FBLN2: variants seen among roughly 807,000 people sequenced by gnomAD.
FBLN2 encodes the protein fibulin 2, also known as fibulin-2.
FBLN2 carries 81 observed loss-of-function variants against 123.7 expected under a neutral mutation model. The observed-to-expected ratio is 0.65, with a 90% confidence interval of 0.55 to 0.79. The LOEUF (loss-of-function observed/expected upper bound fraction) is 0.79. FBLN2 is among the 30% of genes least tolerant of loss of function. The pLI is 0.00. For synonymous variants in FBLN2, 699 were observed against 701.4 expected, an observed-to-expected ratio of 1.00 and a Z score of 0.05; for missense variants, 1,603 against 1,681.3, an observed-to-expected ratio of 0.95 and a Z score of 0.81.
intron 2 of FBLN2, among the ~76,000 whole-genome samples, chr3:13,592,922 C>T (rs1232464203): frequency 6.6e-6 from 1 of 152,132 alleles, no homozygotes; most frequent in Admixed American, 6.5e-5. Flanking sequence ...GGGAGCTCAG[C>T]TGGGAGATAG....
chr3:13,568,252 C>T (rs1703808453), intron 1 of FBLN2, among the ~76,000 whole-genome samples: 1 of 152,212 alleles, frequency 6.6e-6, no homozygotes, highest in Non-Finnish European at 1.5e-5. Context: ...CGCAGCCTTC[C>T]CTGCCTCGGT....
intron 2 of FBLN2, among the ~76,000 whole-genome samples, chr3:13,573,480 C>T (rs886229519): frequency 6.6e-5 from 10 of 152,164 alleles, no homozygotes; most frequent in Non-Finnish European, 1.5e-4. Context: ...ACCTCTGTGA[C>T]TGCTGGGGTC....
At chr3:13,574,654 G>T (rs1363952120) in intron 2 of FBLN2, among the ~76,000 whole-genome samples, 1 of 152,040 alleles carries the variant, frequency 6.6e-6, no homozygotes, top group Admixed American at 6.5e-5. Context: ...ATGGCAACGC[G>T]GCTGGAGGGG....
At chr3:13,629,435 C>T (rs780873149) in intron 13 of FBLN2, 143 bp downstream of exon 13, 2 of 1,160,350 alleles carry the variant, frequency 1.7e-6, no homozygotes, top group Non-Finnish European at 1.2e-6. Flanking sequence ...TTCCAGCTGG[C>T]CTCATCCTCC....
intron 1 of FBLN2, 24 bp from the exon 2 acceptor site, chr3:13,570,291 A>G: frequency 6.9e-7 from 1 of 1,457,334 alleles, no homozygotes; most frequent in Non-Finnish European, 9.1e-7. Context: ...CAGTACTGAC[A>G]GGCTTCCTTT....
rs1703949880 is a variant in FBLN2 at position 13,571,447 on chromosome 3, G to A, written c.1092G>A (p.Lys364=). Residue 364 remains lysine, a synonymous_variant, in exon 2 of 18, where the codon AAG becomes AAA. Coordinates refer to ENST00000404922, the MANE Select transcript of FBLN2 (RefSeq NM_001004019.2). Reference sequence around the variant, plus strand: ...TGACGCATGCACCGAGCCTGGGCAAGGCTGCTCTCGTCCCAACTCAGGCCG... The same window carrying A: ...TGACGCATGCACCGAGCCTGGGCAAAGCTGCTCTCGTCCCAACTCAGGCCG... The part of the protein sequence containing the change: ...EGVTHAPSLG[K]AALVPTQAVP... The A allele has an allele frequency of 6.2e-7, 1 of 1,612,822 alleles. No homozygotes were observed. Among genetic ancestry groups the A allele is most frequent in the Non-Finnish European group, 8.5e-7 (1 of 1,179,668 alleles).
intron 1 of FBLN2, among the ~76,000 whole-genome samples, chr3:13,567,035 T>C (rs1039318405): frequency 3.9e-5 from 6 of 152,208 alleles, no homozygotes; most frequent in South Asian, 2.1e-4. Flanking sequence ...TTCTTTATCA[T>C]TGCCCTGGGC....
chr3:13,566,841 A>T (rs1327785310), intron 1 of FBLN2, among the ~76,000 whole-genome samples: 1 of 151,602 alleles, frequency 6.6e-6, no homozygotes, highest in African/African-American at 2.4e-5. Flanking sequence ...TGAGAAACCC[A>T]CTGTGTGAGC....
chr3:13,621,391 G>A (rs907842761), intron 8 of FBLN2, among the ~76,000 whole-genome samples: 5 of 152,132 alleles, frequency 3.3e-5, no homozygotes, highest in African/African-American at 1.2e-4. Context: ...GCCCCTGTGG[G>A]CCCTTCCCTG....
chr3:13,575,569 T>TA (rs1297399879), intron 2 of FBLN2, among the ~76,000 whole-genome samples: 1 of 151,992 alleles, frequency 6.6e-6, no homozygotes, highest in Non-Finnish European at 1.5e-5. Context: ...AGCCCACACC[T>TA]AAAAAATCTA....
chr3:13,621,084 C>G (rs1450423), intron 8 of FBLN2, among the ~76,000 whole-genome samples: 118,553 of 152,200 alleles, frequency 0.78, 46,775 homozygotes, highest in East Asian at 0.98. Context: ...GCCTGTGCTG[C>G]TCATGCAGCC....
intron 2 of FBLN2, among the ~76,000 whole-genome samples, chr3:13,601,348 C>T (rs1574973503): frequency 6.6e-6 from 1 of 152,208 alleles, no homozygotes; most frequent in East Asian, 1.9e-4. Flanking sequence ...GCAGAGTTGC[C>T]TCCTGTCACC....
chr3:13,616,610 C>T (rs1383249027), intron 5 of FBLN2, among the ~76,000 whole-genome samples: 3 of 152,206 alleles, frequency 2.0e-5, no homozygotes, highest in African/African-American at 7.2e-5. Context: ...TCATACGTGA[C>T]TTCATGCAGC....
At chr3:13,630,277 C>T (rs556783218) in intron 14 of FBLN2, among the ~76,000 whole-genome samples, 16 of 152,330 alleles carry the variant, frequency 1.1e-4, no homozygotes, top group African/African-American at 2.9e-4. Flanking sequence ...CTGTGCGGGA[C>T]GCGCCTGTGG....
At chr3:13,573,194 C>T (rs1043136313) in intron 2 of FBLN2, among the ~76,000 whole-genome samples, 8 of 151,972 alleles carry the variant, frequency 5.3e-5, no homozygotes, top group Admixed American at 1.3e-4. Flanking sequence ...TCCCTCCGGC[C>T]GGCCCCTCCC....
chr3:13,632,858 G>A (rs1219678598), intron 16 of FBLN2, among the ~76,000 whole-genome samples: 3 of 152,064 alleles, frequency 2.0e-5, no homozygotes, highest in Admixed American at 6.5e-5. Flanking sequence ...AAAAAAAGTC[G>A]GTATGGACTC....
chr3:13,566,123 C>T (rs1400882215), intron 1 of FBLN2, among the ~76,000 whole-genome samples: 1 of 151,142 alleles, frequency 6.6e-6, no homozygotes. Flanking sequence ...CAGGCTCTGA[C>T]TGCTGGGACT....
In FBLN2 at chr3:13,609,635, T is replaced by C. The variant is rs769122105; in HGVS notation, c.1541T>C (p.Leu514Pro). ...AEDNDSCGIS[L>P]YKQCCDCCGL... ...GACAACGACAGCTGCGGCATCTCCC[T>C]GTACAAGGCAAGCCTGACCTGTGGC... The change falls in exon 4 of 18, where the codon CTG (leucine) becomes CCG (proline). Residue 514 changes from leucine (L) to proline (P), a missense_variant. Transcript: ENST00000404922. 2.8e-6 allele frequency: 4 copies of C among 1,446,464 alleles called. No individual in the cohort carries two copies. Among genetic ancestry groups the C allele is most frequent in the South Asian group, 1.2e-5 (1 of 83,552 alleles). 89.6% of individuals were successfully genotyped at this position (1,446,464 alleles called of 1,614,324 possible). A position where few individuals can be genotyped will look rare whatever the true frequency, so the allele number is the denominator to read the frequency against.
rs202068616 is a variant in FBLN2, at chr3:13,621,878, C to T, written c.2259C>T (p.Ala753=). The T allele has an allele frequency of 3.8e-5, 62 of 1,613,802 alleles. No homozygotes were observed. Among genetic ancestry groups the T allele is most frequent in the East Asian group, 1.1e-4 (5 of 44,888 alleles). Residue 753 remains alanine (A), a synonymous_variant, in exon 9 of 18, where the codon GCC becomes GCT. Coordinates refer to ENST00000404922, the MANE Select transcript of FBLN2 (RefSeq NM_001004019.2). Reference sequence around the variant, plus strand: ...GTGTCAACCACACAGTGCTCTGTGCCGATGGCTATATCCTCAATGCGCACA... The same window carrying T: ...GTGTCAACCACACAGTGCTCTGTGCTGATGGCTATATCCTCAATGCGCACA... ...FYCVNHTVLC[A]DGYILNAHRK...
Sources: gnomAD v4.1 joint callset for allele counts (sites outside exome capture counted in the v4.1 genomes callset) on GRCh38, gnomAD v4.1.1 for gene constraint, MANE v1.5 for transcripts, NCBI Gene and HGNC (gene_info 2026-07-23, HGNC 2026-07-21) for gene names.